ALK: variants seen among roughly 807,000 people sequenced by gnomAD.
ALK encodes the protein ALK tyrosine kinase receptor.
Under a neutral mutation model 163.1 loss-of-function variants are expected in ALK, and 74 were observed. The observed-to-expected ratio is 0.45, with a 90% confidence interval of 0.38 to 0.55. The LOEUF (loss-of-function observed/expected upper bound fraction) is 0.55. ALK is among the 20% of genes least tolerant of loss of function. The pLI is 0.00. For missense variants in ALK, 2,063 were observed against 2,105.3 expected, an observed-to-expected ratio of 0.98 and a Z score of 0.39; for synonymous variants, 960 against 843.2, an observed-to-expected ratio of 1.14 and a Z score of -2.40.
intron 4 of ALK, among the ~76,000 whole-genome samples, chr2:29,474,142 G>A (rs1317851420): frequency 6.6e-6 from 1 of 152,196 alleles, no homozygotes; most frequent in South Asian, 2.1e-4. Flanking sequence ...ATATATTGTG[G>A]TATGTTTATA....
Position 29,704,386 on chromosome 2 carries a change from G to C in ALK, c.788-9372C>G, listed in dbSNP as rs569349928. ...GGACCTTGGAGACCTCTGAGAGGAA[G>C]GGAAAGGCTGGAGAATGATGGGGAT... On this transcript the variant is annotated intron_variant, in intron 2 of 28. Coordinates refer to ENST00000389048, the MANE Select transcript of ALK (RefSeq NM_004304.5). 3.5e-4 allele frequency among the ~76,000 whole-genome samples: 53 copies of C among 152,298 alleles called. 1 individual carries two copies. The Middle Eastern group carries it at 0.01, about 30-fold the overall frequency.
intron 4 of ALK, among the ~76,000 whole-genome samples, chr2:29,516,255 T>C (rs1039868536): frequency 1.3e-5 from 2 of 152,018 alleles, no homozygotes; most frequent in Non-Finnish European, 2.9e-5. Flanking sequence ...TTGGTGGGAG[T>C]ATAGATCAGA....
chr2:29,253,352 T>C (rs2148199689), intron 11 of ALK, among the ~76,000 whole-genome samples: 1 of 151,456 alleles, frequency 6.6e-6, no homozygotes, highest in Non-Finnish European at 1.5e-5. Context: ...AACACCAGGG[T>C]TTGGGGGCAG....
At chr2:29,305,328 C>T (rs956119505) in intron 8 of ALK, among the ~76,000 whole-genome samples, 8 of 152,226 alleles carry the variant, frequency 5.3e-5, no homozygotes, top group South Asian at 2.1e-4. Context: ...AGAGAGACCC[C>T]GTGAGCAGTA....
Position 29,328,478 on chromosome 2 carries a change from G to A in ALK, c.1286C>T (p.Thr429Ile), listed in dbSNP as rs775129242. 3.7e-6 allele frequency: 6 copies of A among 1,614,172 alleles called. 1 individual carries two copies. The South Asian group carries it at 4.4e-5, about 12-fold the overall frequency. The part of the protein sequence containing the change: ...FFALKNCSEG[T>I]SPGSKMALQS... ...CAGGGCCATCTTGGAGCCTGGGGAT[G>A]TTCCTGGAGAGCACACAGACACACA... is the stretch of plus-strand genomic sequence containing the variant. The change falls in exon 6 of 29, where the codon ACA becomes ATA. Residue 429 changes from threonine (T) to isoleucine (I), a missense_variant. Thr to Ile is a moderately conservative substitution (Grantham distance 89). Transcript: ENST00000389048.
chr2:29,850,217 T>C (rs1311178431), intron 1 of ALK, among the ~76,000 whole-genome samples: 1 of 152,050 alleles, frequency 6.6e-6, no homozygotes, highest in Non-Finnish European at 1.5e-5. Context: ...GCTGGGAAGC[T>C]AGAAACCAAA....
chr2:29,508,733 CAAAAAAAAAA>C (rs60719550), intron 4 of ALK, among the ~76,000 whole-genome samples: 1 of 65,496 alleles, frequency 1.5e-5, no homozygotes. Context: ...ATCTGCAACT[CAAAAAAAAAA>C]AAAAAAAAAA....
intron 5 of ALK, among the ~76,000 whole-genome samples, chr2:29,354,959 G>C (rs1397195814): frequency 6.6e-6 from 1 of 151,932 alleles, no homozygotes; most frequent in Non-Finnish European, 1.5e-5. Flanking sequence ...GTAGAGACGG[G>C]GTTTCACTGT....
At chr2:29,394,385 AC>A (rs1369869579) in intron 4 of ALK, among the ~76,000 whole-genome samples, 6 of 151,768 alleles carry the variant, frequency 4.0e-5, no homozygotes, top group Non-Finnish European at 7.4e-5. Context: ...AAGAGTAGTG[AC>A]CCTGAGAATC....
intron 1 of ALK, among the ~76,000 whole-genome samples, chr2:29,742,156 G>T (rs1354757051): frequency 6.6e-6 from 1 of 152,250 alleles, no homozygotes; most frequent in Admixed American, 6.5e-5. Flanking sequence ...AACAGGGCAG[G>T]GAGGTTCATC....
At chr2:29,610,368 A>G (rs933704970) in intron 3 of ALK, among the ~76,000 whole-genome samples, 1 of 152,172 alleles carries the variant, frequency 6.6e-6, no homozygotes, top group African/African-American at 2.4e-5. Context: ...AGAGAAAGCT[A>G]TTATAATAAT....
chr2:29,535,908 T>C (rs1466327671), intron 3 of ALK, among the ~76,000 whole-genome samples: 1 of 152,176 alleles, frequency 6.6e-6, no homozygotes, highest in Non-Finnish European at 1.5e-5. Flanking sequence ...TTTTAATCGA[T>C]TGGCCAAATA....
chr2:29,825,954 G>A (rs1390387179), intron 1 of ALK, among the ~76,000 whole-genome samples: 1 of 152,128 alleles, frequency 6.6e-6, no homozygotes, highest in East Asian at 1.9e-4. Flanking sequence ...TGTTCTAGAG[G>A]CTCTGGTAGC....
intron 9 of ALK, among the ~76,000 whole-genome samples, chr2:29,296,640 C>G (rs1666188209): frequency 6.6e-6 from 1 of 152,150 alleles, no homozygotes; most frequent in South Asian, 2.1e-4. Context: ...CCAGGCCATA[C>G]CAGTGGTCCC....
chr2:29,378,878 T>C (rs1382157176), intron 5 of ALK, among the ~76,000 whole-genome samples: 1 of 152,150 alleles, frequency 6.6e-6, no homozygotes, highest in East Asian at 1.9e-4. Flanking sequence ...GCCTGGCTAC[T>C]TTTTTTGTAT....
chr2:29,552,176 C>T (rs1388605062), intron 3 of ALK, among the ~76,000 whole-genome samples: 4 of 152,208 alleles, frequency 2.6e-5, no homozygotes, highest in African/African-American at 9.6e-5. Flanking sequence ...ATCTATTTCA[C>T]AGCATGTATC....
intron 3 of ALK, among the ~76,000 whole-genome samples, chr2:29,671,835 C>T (rs1028940995): frequency 6.6e-6 from 1 of 151,938 alleles, no homozygotes; most frequent in African/African-American, 2.4e-5. Flanking sequence ...GCTTCTACAC[C>T]ACCATTTTAA....
intron 1 of ALK, among the ~76,000 whole-genome samples, chr2:29,763,567 C>T (rs79506392): frequency 0.031 from 4,559 of 147,888 alleles, 202 homozygotes; most frequent in African/African-American, 0.11. Flanking sequence ...GCTCAGCCCC[C>T]ACATTTATGG....
At chr2:29,641,645 G>A (rs1461599127) in intron 3 of ALK, among the ~76,000 whole-genome samples, 1 of 151,914 alleles carries the variant, frequency 6.6e-6, no homozygotes, top group African/African-American at 2.4e-5. Context: ...CCTACTATTA[G>A]CACAAAACTA....
Sources: allele counts gnomAD v4.1 joint callset (sites outside exome capture counted in the v4.1 genomes callset), GRCh38; gene constraint gnomAD v4.1.1; transcripts MANE v1.5; gene names NCBI Gene and HGNC (gene_info 2026-07-23, HGNC 2026-07-21).